Variants in JADE3 observed in about 807,000 individuals in gnomAD.
The protein encoded by JADE3 is protein Jade-3.
Under a neutral mutation model 50.1 loss-of-function variants are expected in JADE3, and 2 were observed. That is an observed-to-expected ratio of 0.04 (90% confidence interval 0.02 to 0.13). The LOEUF is 0.13. JADE3 is among the 10% of genes least tolerant of loss of function. The pLI is 1.00. For missense variants in JADE3, 475 were observed against 634.4 expected, an observed-to-expected ratio of 0.75 and a Z score of 2.70; for synonymous variants, 218 against 232.9, an observed-to-expected ratio of 0.94 and a Z score of 0.58.
intron 1 of JADE3, among the ~76,000 whole-genome samples, chrX:46,923,393 C>CTTTTT (rs782555482): frequency 1.2e-3 from 14 of 11,522 alleles, no homozygotes; most frequent in African/African-American, 2.4e-3. Flanking sequence ...CTCTCTCTCT[C>CTTTTT]TTTTTTTTTT....
At chrX:47,056,923 C>G (rs782543394) in intron 10 of JADE3, among the ~76,000 whole-genome samples, 4 of 111,840 alleles carry the variant, frequency 3.6e-5, no homozygotes, top group Non-Finnish European at 7.5e-5. Context: ...CAGCTCCTGC[C>G]AAGGGAGGGT....
chrX:47,052,583 G>A (rs782174496), intron 8 of JADE3, among the ~76,000 whole-genome samples: 2 of 89,912 alleles, frequency 2.2e-5, no homozygotes, highest in Admixed American at 2.7e-4. Flanking sequence ...GCAATGAGCC[G>A]AGATTGTGCC....
intron 1 of JADE3, among the ~76,000 whole-genome samples, chrX:46,980,995 G>A (rs1927738294): frequency 9.0e-6 from 1 of 111,303 alleles, no homozygotes; most frequent in South Asian, 3.8e-4. Flanking sequence ...GAGAGATTCA[G>A]TGTTGTTTGC....
chrX:46,962,284 C>T (rs1927279193), intron 1 of JADE3, among the ~76,000 whole-genome samples: 1 of 112,104 alleles, frequency 8.9e-6, no homozygotes, highest in Admixed American at 9.5e-5. Flanking sequence ...GCAGAAAAAG[C>T]AGAAACTAGA....
At chrX:46,932,919 G>A (rs868907251) in intron 1 of JADE3, among the ~76,000 whole-genome samples, 1 of 111,323 alleles carries the variant, frequency 9.0e-6, no homozygotes, top group African/African-American at 3.3e-5. Context: ...AGACTCACAG[G>A]GTCTTTCTTG....
chrX:46,991,146 G>A (rs1017178907), intron 3 of JADE3, among the ~76,000 whole-genome samples: 1 of 96,520 alleles, frequency 1.0e-5, no homozygotes, highest in African/African-American at 3.8e-5. Flanking sequence ...GTGCAATGGC[G>A]CAATCTCGGC....
intron 1 of JADE3, among the ~76,000 whole-genome samples, chrX:46,963,267 G>C (rs782553754): frequency 8.9e-6 from 1 of 111,812 alleles, no homozygotes; most frequent in Non-Finnish European, 1.9e-5. Context: ...TTTGCTACTC[G>C]TATGGCTGCT....
intron 8 of JADE3, among the ~76,000 whole-genome samples, chrX:47,051,499 A>C (rs782286090): frequency 2.7e-5 from 3 of 112,404 alleles, no homozygotes; most frequent in Non-Finnish European, 5.6e-5. Context: ...ATGCATTTTA[A>C]ATCTTTGGGC....
At chrX:46,948,376 A>G (rs1274306344) in intron 1 of JADE3, among the ~76,000 whole-genome samples, 4 of 112,312 alleles carry the variant, frequency 3.6e-5, no homozygotes, top group African/African-American at 1.3e-4. Flanking sequence ...CCTTCTATGG[A>G]TAGACAGGCC....
chrX:46,966,363 C>T (rs992600355), intron 1 of JADE3, among the ~76,000 whole-genome samples: 14 of 111,211 alleles, frequency 1.3e-4, no homozygotes, highest in African/African-American at 4.3e-4. Context: ...TTGCTTTTCC[C>T]TCCTACCTTC....
chrX:47,024,770 A>G lies in JADE3; in HGVS notation c.331A>G (p.Lys111Glu). ...GGACGTTCTGTTTATCCGACCCCGG[A>G]AGTATATTCACTGCTCCAGCCCAGA... ...VKDVLFIRPRKYIHCSSPDTT... is the reference protein window; with the variant it reads ...VKDVLFIRPREYIHCSSPDTT... The change falls in exon 5 of 11, where the codon AAG becomes GAG. Residue 111 changes from lysine to glutamate, a missense_variant. Around this residue, in one of 6 missense-constraint regions of JADE3, gnomAD observed 54 missense variants for 51.8 expected, o/e 1.04. Transcript: ENST00000614628. The G allele has an allele frequency of 8.3e-7, 1 of 1,197,952 alleles. No homozygotes were observed. The highest frequency in any genetic ancestry group is 1.8e-5 in the South Asian group (1 of 55,777).
chrX:46,972,875 A>C (rs1302940178), intron 1 of JADE3, among the ~76,000 whole-genome samples: 1 of 112,504 alleles, frequency 8.9e-6, no homozygotes, highest in African/African-American at 3.2e-5. Flanking sequence ...CTAGGATTAT[A>C]GGCGTGAGCC....
chrX:46,942,556 G>C (rs1926785862), intron 1 of JADE3, among the ~76,000 whole-genome samples: 1 of 111,360 alleles, frequency 9.0e-6, no homozygotes, highest in South Asian at 3.7e-4. Flanking sequence ...TTGTTCCATT[G>C]GTCTATTTGT....
chrX:47,033,275 A>G (rs1929060583), intron 6 of JADE3, among the ~76,000 whole-genome samples: 1 of 111,937 alleles, frequency 8.9e-6, no homozygotes, highest in Non-Finnish European at 1.9e-5. Flanking sequence ...TAAGTGTTTG[A>G]CTAATTATAA....
intron 8 of JADE3, among the ~76,000 whole-genome samples, chrX:47,047,327 A>G (rs1408160311): frequency 3.6e-5 from 4 of 111,686 alleles, no homozygotes; most frequent in African/African-American, 1.3e-4. Context: ...TGAGCAGATC[A>G]CCTGAGGCCA....
intron 6 of JADE3, among the ~76,000 whole-genome samples, chrX:47,030,170 G>C (rs1928987407): frequency 9.0e-6 from 1 of 110,655 alleles, no homozygotes; most frequent in African/African-American, 3.3e-5. Context: ...TCTGTAGTAG[G>C]CTTAAAAGGA....
At chrX:47,025,232 C>CT (rs1208516651) in intron 5 of JADE3, among the ~76,000 whole-genome samples, 1 of 111,777 alleles carries the variant, frequency 8.9e-6, no homozygotes, top group Non-Finnish European at 1.9e-5. Context: ...TTGGCCATAG[C>CT]TGATTGGACT....
intron 1 of JADE3, among the ~76,000 whole-genome samples, chrX:46,952,300 G>T (rs977555183): frequency 8.9e-6 from 1 of 112,187 alleles, no homozygotes; most frequent in Non-Finnish European, 1.9e-5. Flanking sequence ...GCAGCAGTTG[G>T]TCTGGTTAGG....
chrX:46,976,904 G>A (rs1359303780), intron 1 of JADE3, among the ~76,000 whole-genome samples: 1 of 111,576 alleles, frequency 9.0e-6, no homozygotes, highest in Non-Finnish European at 1.9e-5. Flanking sequence ...ATTGTTTGCC[G>A]TATGCTTTCA....
Sources: allele counts gnomAD v4.1 joint callset (sites outside exome capture counted in the v4.1 genomes callset), GRCh38; gene constraint gnomAD v4.1.1; regional missense constraint gnomAD v4.1.1; transcripts MANE v1.5; gene names NCBI Gene and HGNC (gene_info 2026-07-23, HGNC 2026-07-21).